PNPLA6: variants seen among roughly 807,000 people sequenced by gnomAD.
The protein encoded by PNPLA6 is patatin-like phospholipase domain-containing protein 6.
Under a neutral mutation model 153.7 loss-of-function variants are expected in PNPLA6, and 105 were observed. The observed-to-expected ratio is 0.68, with a 90% CI of 0.58 to 0.80. The LOEUF (loss-of-function observed/expected upper bound fraction) is 0.80, where lower values mean the gene tolerates loss of function less well. Among genes scored for constraint, PNPLA6 ranks in the 30% least tolerant of loss-of-function variants. The pLI is 0.00. For synonymous variants in PNPLA6, 825 were observed against 822.2 expected, an observed-to-expected ratio of 1.00 and a Z score of -0.06; for missense variants, 1,423 against 1,919.3, an observed-to-expected ratio of 0.74 and a Z score of 4.83.
chr19:7,542,449 C>T lies in PNPLA6; in HGVS notation c.1253-112C>T, dbSNP rs2023193951. The T allele has an allele frequency of 2.9e-5, 24 of 823,798 alleles. No individual in the cohort carries two copies. In the South Asian group the frequency reaches 3.0e-4, roughly 10 times the overall value. 51.0% of individuals were successfully genotyped at this position (823,798 alleles called of 1,614,324 possible). On this transcript the variant is annotated intron_variant, in intron 10 of 31. Coordinates refer to ENST00000600737, the MANE Select transcript of PNPLA6 (RefSeq NM_001166114.2). Reference sequence around the variant, plus strand: ...TCCTATGCTCAAGTGATCCTCCAGCCCCAGCCTCCCAAATAGCTGGAACTA... The same window carrying T: ...TCCTATGCTCAAGTGATCCTCCAGCTCCAGCCTCCCAAATAGCTGGAACTA...
intron 13 of PNPLA6, among the ~76,000 whole-genome samples, chr19:7,544,859 C>A (rs1291433841): frequency 1.3e-5 from 2 of 152,134 alleles, no homozygotes; most frequent in African/African-American, 4.8e-5. Flanking sequence ...AGTAAGGTTA[C>A]CCTGTGGCTT....
Position 7,536,036 on chromosome 19 carries a change from G to A in PNPLA6, c.232+16G>A, listed in dbSNP as rs367664686. 2 of 1,576,840 alleles carry A rather than the reference G, an allele frequency of 1.3e-6. No individual in the cohort carries two copies. Among genetic ancestry groups the A allele is most frequent in the East Asian group, 2.3e-5 (1 of 42,982 alleles). ...CGAGTGCCAAGTGAGCACCCGAGGG[G>A]CCCCTCTTGGGAGGCTGTATGGTGG... On this transcript the variant is annotated intron_variant, in intron 1 of 31. Coordinates refer to ENST00000600737, the MANE Select transcript of PNPLA6 (RefSeq NM_001166114.2).
At chr19:7,544,873 TGGG>T (rs1027753746) in intron 13 of PNPLA6, among the ~76,000 whole-genome samples, 8 of 152,128 alleles carry the variant, frequency 5.3e-5, no homozygotes, top group African/African-American at 1.9e-4. Flanking sequence ...GTGGCTTCTT[TGGG>T]GGCCCCTGGG....
intron 28 of PNPLA6, among the ~76,000 whole-genome samples, chr19:7,559,628 CAGG>C (rs1568424299): frequency 2.6e-5 from 4 of 151,418 alleles, no homozygotes; most frequent in African/African-American, 9.7e-5. Context: ...TGCTTGAAAC[CAGG>C]AGTTCAAGAC....
chr19:7,551,146 G>A, intron 17 of PNPLA6, 39 bp downstream of exon 17: 1 of 1,322,076 alleles, frequency 7.6e-7, no homozygotes, highest in Non-Finnish European at 1.1e-6. Flanking sequence ...GGCGGAGGCG[G>A]GACTCCGGGG....
rs1490826010 is a variant in PNPLA6, at chr19:7,560,765, G to A, written c.3816+1G>A. 1.6e-5 allele frequency: 25 copies of A among 1,583,986 alleles called. No individual in the cohort carries two copies. Among genetic ancestry groups the A allele is most frequent in the Admixed American group, 6.7e-5 (4 of 59,882 alleles). On this transcript the variant is annotated splice_donor_variant, in intron 29 of 31. Transcript: ENST00000600737. LOFTEE classifies it high-confidence loss of function. ...CCTTAATGAGAGCCGCCGTGCAGAC[G>A]TAAGCCTGTGATGCCCCCAGGGCCA...
rs560196907 is a variant in PNPLA6 at position 7,537,766 on chromosome 19, C to T, written c.413+1220C>T. On this transcript the variant is annotated intron_variant, in intron 3 of 31. Coordinates refer to ENST00000600737, the MANE Select transcript of PNPLA6 (RefSeq NM_001166114.2). ...AAAAGATTCTCCTGCCTCAGCCTCC[C>T]GAGTAGCTGGGACTACAGGCTCATA... Among the ~76,000 whole-genome samples the T allele has an allele frequency of 6.6e-5, 10 of 152,042 alleles. No homozygotes were observed. The South Asian group carries it at 1.7e-3, about 25-fold the overall frequency.
intron 26 of PNPLA6, 99 bp downstream of exon 26, chr19:7,556,823 C>A (rs966731241): frequency 1.1e-6 from 1 of 898,930 alleles, no homozygotes; most frequent in Admixed American, 1.7e-5. Flanking sequence ...GTTGTTAACA[C>A]GAGTGACCGT....
At chr19:7,558,817 G>C in intron 27 of PNPLA6, 33 bp from the exon 28 acceptor site, 1 of 1,580,558 alleles carries the variant, frequency 6.3e-7, no homozygotes, top group Non-Finnish European at 8.6e-7. Flanking sequence ...GGCCCCCGAG[G>C]GGAGCAGCCC....
chr19:7,556,397 C>G, intron 24 of PNPLA6, 56 bp from the exon 25 acceptor site: 1 of 1,073,342 alleles, frequency 9.3e-7, no homozygotes, highest in Non-Finnish European at 1.5e-6. Context: ...ATTGATGAAC[C>G]TTATCTGTGA....
Position 7,540,875 on chromosome 19 carries a change from A to AT in PNPLA6, c.796-48_796-47insT. On this transcript the variant is annotated intron_variant, in intron 6 of 31. Coordinates refer to ENST00000600737, the MANE Select transcript of PNPLA6 (RefSeq NM_001166114.2). The surrounding 1 kb of genome is among the most constrained non-coding windows in gnomAD (Gnocchi z 6.8). Reference sequence around the variant, plus strand: ...AAGGATTAGGGGAGTAGCGAGGGGGACTCGCAGCCTCTGCCCTTGTCTCTC... The same window carrying AT: ...AAGGATTAGGGGAGTAGCGAGGGGGATCTCGCAGCCTCTGCCCTTGTCTCTC... 6.2e-7 allele frequency: 1 copy of AT among 1,611,048 alleles called. No individual in the cohort carries two copies. Among genetic ancestry groups the AT allele is most frequent in the Non-Finnish European group, 8.5e-7 (1 of 1,178,770 alleles).
chr19:7,545,162 G>A (rs2023333649), intron 13 of PNPLA6, among the ~76,000 whole-genome samples: 1 of 152,092 alleles, frequency 6.6e-6, no homozygotes, highest in Admixed American at 6.5e-5. Flanking sequence ...TCGAAGCTGG[G>A]ACTACAGTCA....
At chr19:7,542,091 G>A in intron 10 of PNPLA6, 24 bp downstream of exon 10, 1 of 1,580,186 alleles carries the variant, frequency 6.3e-7, no homozygotes, top group Middle Eastern at 2.0e-4. Flanking sequence ...GGTCTGCGGG[G>A]AGGGCCATGG....
At position 7,561,642 on chromosome 19, in the gene PNPLA6, C is replaced by T. The variant is rs781056060; in HGVS notation, c.*80C>T. 3 of 955,326 alleles carry T rather than the reference C, an allele frequency of 3.1e-6. No individual in the cohort carries two copies. The highest frequency in any genetic ancestry group is 2.0e-5 in the Admixed American group (1 of 50,290). 59.2% of individuals were successfully genotyped at this position (955,326 alleles called of 1,614,324 possible). ...GCCCCGTGGGGGTAGCTCACTCCCC[C>T]TCCTGCTGCTATGCCTGTGACCCCC... is the stretch of plus-strand genomic sequence containing the variant. On this transcript the variant is annotated 3_prime_UTR_variant, in exon 32 of 32. Coordinates refer to ENST00000600737, the MANE Select transcript of PNPLA6 (RefSeq NM_001166114.2).
At chr19:7,551,542 C>A in intron 18 of PNPLA6, 105 bp downstream of exon 18, 2 of 1,019,014 alleles carry the variant, frequency 2.0e-6, no homozygotes, top group Admixed American at 1.9e-5. Context: ...AATGGAGTTC[C>A]GCGAAGAAAT....
intron 13 of PNPLA6, among the ~76,000 whole-genome samples, chr19:7,545,996 C>T (rs1350061564): frequency 6.6e-6 from 1 of 150,958 alleles, no homozygotes; most frequent in East Asian, 1.9e-4. Context: ...AGAGACATGA[C>T]TCAAAGGATT....
In PNPLA6 at chr19:7,543,086, T is replaced by A; in HGVS notation, c.1608+2T>A. Reference sequence around the variant, plus strand: ...ATCATTGCCCGCCAGGGAGACCAGGTGAGGCTGACCCCTGACCTGTAACCA... The same window carrying A: ...ATCATTGCCCGCCAGGGAGACCAGGAGAGGCTGACCCCTGACCTGTAACCA... On this transcript the variant is annotated splice_donor_variant, in intron 13 of 31. Transcript: ENST00000600737. LOFTEE classifies it high-confidence loss of function. 1 of 1,613,370 alleles carries A rather than the reference T, an allele frequency of 6.2e-7. No individual in the cohort carries two copies. Among genetic ancestry groups the A allele is most frequent in the Non-Finnish European group, 8.5e-7 (1 of 1,179,636 alleles).
At position 7,542,591 on chromosome 19, in the gene PNPLA6, A is replaced by G; in HGVS notation, c.1283A>G (p.Asp428Gly). Reference sequence around the variant, plus strand: ...CAGGGTGGCCCCCGCTCCGACTTCGACATGGCCTATGAGCGTGGCCGGATC... The same window carrying G: ...CAGGGTGGCCCCCGCTCCGACTTCGGCATGGCCTATGAGCGTGGCCGGATC... ...GLQGGPRSDF[D>G]MAYERGRISV... The change falls in exon 11 of 32, where the codon GAC becomes GGC. Residue 428 changes from aspartate (D) to glycine (G), a missense_variant. Around this residue, in one of 10 missense-constraint regions of PNPLA6, gnomAD observed 267 missense variants for 255.1 expected, o/e 1.05. Coordinates refer to ENST00000600737, the MANE Select transcript of PNPLA6 (RefSeq NM_001166114.2). 1 of 1,613,674 alleles carries G rather than the reference A, an allele frequency of 6.2e-7. No individual in the cohort carries two copies. Among genetic ancestry groups the G allele is most frequent in the Non-Finnish European group, 8.5e-7 (1 of 1,179,986 alleles).
In PNPLA6 at chr19:7,542,704, C is replaced by T. The variant is rs370564054; in HGVS notation, c.1362+34C>T. 2.4e-5 allele frequency: 38 copies of T among 1,612,128 alleles called. 1 individual carries two copies. Among genetic ancestry groups the T allele is most frequent in the South Asian group, 2.2e-4 (20 of 91,038 alleles). On this transcript the variant is annotated intron_variant, in intron 11 of 31. Transcript: ENST00000600737. ...TGGGACCCTGCCCGGTGGTGGAGCC[C>T]GCAGGGGAAGGTGGCTGGGAGGGAG...
Sources: gnomAD v4.1 joint callset for allele counts (sites outside exome capture counted in the v4.1 genomes callset) on GRCh38, gnomAD v4.1.1 for gene constraint, gnomAD v4.1.1 regional missense constraint, Gnocchi (gnomAD v3.1) non-coding constraint, MANE v1.5 for transcripts, NCBI Gene and HGNC (gene_info 2026-07-23, HGNC 2026-07-21) for gene names.